PRKAA2: variants seen among roughly 807,000 people sequenced by gnomAD.
PRKAA2 encodes 5'-AMP-activated protein kinase catalytic subunit alpha-2.
Under a neutral mutation model 56.3 loss-of-function variants are expected in PRKAA2, and 40 were observed. The ratio of observed to expected loss-of-function variants is 0.71; its 90% CI spans 0.55 to 0.92. PRKAA2 has a LOEUF of 0.92. PRKAA2 is among the 40% of genes least tolerant of loss of function. PRKAA2 has a pLI of 0.00. For missense variants in PRKAA2, 542 were observed against 686.9 expected, an observed-to-expected ratio of 0.79 and a Z score of 2.36; for synonymous variants, 214 against 234.2, an observed-to-expected ratio of 0.91 and a Z score of 0.79.
At chr1:56,706,869 G>A (rs1191998483) in intron 8 of PRKAA2, among the ~76,000 whole-genome samples, 1 of 152,184 alleles carries the variant, frequency 6.6e-6, no homozygotes, top group Non-Finnish European at 1.5e-5. Context: ...TGTTTTAAAC[G>A]AAGCATTTAA....
At chr1:56,673,888 A>G (rs1644094853) in intron 1 of PRKAA2, among the ~76,000 whole-genome samples, 1 of 152,216 alleles carries the variant, frequency 6.6e-6, no homozygotes, top group Admixed American at 6.5e-5. Context: ...ATGGGGGAAA[A>G]TAAGAGGACT....
rs534035429 is a variant in PRKAA2, at chr1:56,713,733, T to C, written c.*6020T>C. 6.6e-6 allele frequency: 1 copy of C among 150,646 alleles called. No homozygotes were observed. The highest frequency in any genetic ancestry group is 2.4e-5 in the African/African-American group (1 of 41,318). 9.3% of individuals were successfully genotyped at this position (150,646 alleles called of 1,614,324 possible). ...GGAGAATTGCATTGTTATTTTTTTTTCTACTAATTTAAACGTGCATTTTTC... is the reference window on the plus strand; with the variant it reads ...GGAGAATTGCATTGTTATTTTTTTTCCTACTAATTTAAACGTGCATTTTTC... On this transcript the variant is annotated 3_prime_UTR_variant, in exon 9 of 9. Transcript: ENST00000371244.
rs569314370 is a variant in PRKAA2 at position 56,646,729 on chromosome 1, T to G, written c.94+1248T>G. Reference sequence around the variant, plus strand: ...TCTCTATTTCCTTGTAAAATTCATATTTTAACCCCAAGTCAAGGCTGTTGA... The same window carrying G: ...TCTCTATTTCCTTGTAAAATTCATAGTTTAACCCCAAGTCAAGGCTGTTGA... On this transcript the variant is annotated intron_variant, in intron 1 of 8. Coordinates refer to ENST00000371244, the MANE Select transcript of PRKAA2 (RefSeq NM_006252.4). 1.5e-4 allele frequency among the ~76,000 whole-genome samples: 23 copies of G among 152,316 alleles called. No individual in the cohort carries two copies. In the South Asian group the frequency reaches 4.1e-3, roughly 27 times the overall value.
chr1:56,646,925 G>T (rs1039666938), intron 1 of PRKAA2, among the ~76,000 whole-genome samples: 13 of 152,182 alleles, frequency 8.5e-5, no homozygotes, highest in African/African-American at 3.1e-4. Flanking sequence ...TTTTTGTTTA[G>T]CTTTCTAGTA....
At chr1:56,674,336 A>G in intron 1 of PRKAA2, 45 bp from the exon 2 acceptor site, 2 of 1,452,934 alleles carry the variant, frequency 1.4e-6, no homozygotes, top group South Asian at 1.4e-5. Flanking sequence ...ATAAATGATT[A>G]TGTTGATATG....
At chr1:56,659,819 G>C (rs539413462) in intron 1 of PRKAA2, among the ~76,000 whole-genome samples, 52 of 152,180 alleles carry the variant, frequency 3.4e-4, no homozygotes, top group African/African-American at 1.2e-3. Flanking sequence ...GAGGCGGGAG[G>C]ATCGCTTAGG....
intron 6 of PRKAA2, among the ~76,000 whole-genome samples, chr1:56,703,311 G>A (rs1644308531): frequency 6.6e-6 from 1 of 152,072 alleles, no homozygotes; most frequent in South Asian, 2.1e-4. Context: ...AAGAAAATAT[G>A]TAATTTACTT....
intron 2 of PRKAA2, among the ~76,000 whole-genome samples, chr1:56,690,223 G>A (rs1644219067): frequency 6.6e-6 from 1 of 151,038 alleles, no homozygotes; most frequent in African/African-American, 2.4e-5. Context: ...GAGTGCAGTG[G>A]CACGATCTTG....
chr1:56,707,379 ATG>A (rs1644338770), intron 8 of PRKAA2, 94 bp from the exon 9 acceptor site: 6 of 995,296 alleles, frequency 6.0e-6, no homozygotes, highest in Non-Finnish European at 9.2e-6. Context: ...CCTTGCTCAG[ATG>A]TGTTTACTTA....
chr1:56,678,637 C>T (rs770222193), intron 2 of PRKAA2, among the ~76,000 whole-genome samples: 11 of 150,928 alleles, frequency 7.3e-5, no homozygotes, highest in Non-Finnish European at 1.3e-4. Context: ...CTTAATGCAA[C>T]TTGATTTTAC....
chr1:56,674,111 A>T (rs1403977519), intron 1 of PRKAA2, among the ~76,000 whole-genome samples: 1 of 152,204 alleles, frequency 6.6e-6, no homozygotes, highest in African/African-American at 2.4e-5. Context: ...AGAATATAGA[A>T]TTCAGTAATC....
intron 5 of PRKAA2, among the ~76,000 whole-genome samples, chr1:56,694,612 T>C (rs1278795200): frequency 1.3e-5 from 2 of 152,038 alleles, no homozygotes; most frequent in East Asian, 1.9e-4. Flanking sequence ...TGCTTCCTAA[T>C]AGACTACTGT....
At chr1:56,652,621 T>C (rs1174637321) in intron 1 of PRKAA2, among the ~76,000 whole-genome samples, 1 of 152,242 alleles carries the variant, frequency 6.6e-6, no homozygotes, top group Admixed American at 6.5e-5. Flanking sequence ...TGAGCCTTTG[T>C]TTCCTCCTTC....
At chr1:56,672,144 G>T (rs1370652188) in intron 1 of PRKAA2, among the ~76,000 whole-genome samples, 1 of 152,006 alleles carries the variant, frequency 6.6e-6, no homozygotes, top group Admixed American at 6.6e-5. Flanking sequence ...TAGAGACAGG[G>T]TCTCACTCTG....
At chr1:56,681,519 GA>G (rs1251586726) in intron 2 of PRKAA2, among the ~76,000 whole-genome samples, 1 of 152,156 alleles carries the variant, frequency 6.6e-6, no homozygotes, top group Non-Finnish European at 1.5e-5. Context: ...GATCCATCTT[GA>G]ATTAATTTTT....
At position 56,704,438 on chromosome 1, in the gene PRKAA2, T is replaced by G; in HGVS notation, c.1256T>G (p.Val419Gly). 6.2e-7 allele frequency: 1 copy of G among 1,609,290 alleles called. No individual in the cohort carries two copies. The highest frequency in any genetic ancestry group is 8.5e-7 in the Non-Finnish European group (1 of 1,178,744). ...QSKPYDIMAEVYRAMKQLDFE... is the reference protein window; with the variant it reads ...QSKPYDIMAEGYRAMKQLDFE... The stretch of plus-strand genomic sequence containing the variant: ...AAACCGTATGACATTATGGCTGAAG[T>G]TTACCGAGCTATGAAGCAGCTGGAT... Residue 419 changes from valine to glycine, a missense_variant, in exon 7 of 9, where the codon GTT becomes GGT. By Grantham distance (109) the Val-to-Gly change is moderately radical (BLOSUM62 -3). Coordinates refer to ENST00000371244, the MANE Select transcript of PRKAA2 (RefSeq NM_006252.4).
intron 2 of PRKAA2, among the ~76,000 whole-genome samples, chr1:56,677,282 A>G (rs1309092556): frequency 6.6e-6 from 1 of 152,172 alleles, no homozygotes; most frequent in African/African-American, 2.4e-5. Flanking sequence ...CTTAACTGAA[A>G]CAGTTAGTCT....
chr1:56,670,116 T>C (rs1557548851), intron 1 of PRKAA2, among the ~76,000 whole-genome samples: 1 of 152,198 alleles, frequency 6.6e-6, no homozygotes, highest in African/African-American at 2.4e-5. Context: ...ATCCAAAAAA[T>C]TGTGTGGACT....
intron 1 of PRKAA2, among the ~76,000 whole-genome samples, chr1:56,655,414 T>C (rs1569709750): frequency 4.7e-5 from 1 of 21,326 alleles, no homozygotes; most frequent in Non-Finnish European, 9.1e-5. Context: ...CATGCCCAGC[T>C]TTTTTTTTTT....
Sources: allele counts gnomAD v4.1 joint callset (sites outside exome capture counted in the v4.1 genomes callset), GRCh38; gene constraint gnomAD v4.1.1; transcripts MANE v1.5; gene names NCBI Gene and HGNC (gene_info 2026-07-23, HGNC 2026-07-21).